Variants in ADAM18 observed in about 807,000 individuals in gnomAD.
ADAM18 encodes disintegrin and metalloproteinase domain-containing protein 18.
Under a neutral mutation model 94.4 loss-of-function variants are expected in ADAM18, and 117 were observed. That is an observed-to-expected ratio of 1.24 (90% CI 1.07 to 1.45). The LOEUF is 1.45. Among genes scored for constraint, ADAM18 ranks in the 40% most tolerant of loss-of-function variants. The pLI, the probability that ADAM18 is intolerant of heterozygous loss-of-function variation, is 0.00. For synonymous variants in ADAM18, 327 were observed against 291.6 expected, an observed-to-expected ratio of 1.12 and a Z score of -1.24; for missense variants, 936 against 880.0, an observed-to-expected ratio of 1.06 and a Z score of -0.81.
At chr8:39,727,938 G>T (rs1442816570) in intron 19 of ADAM18, among the ~76,000 whole-genome samples, 3 of 152,192 alleles carry the variant, frequency 2.0e-5, no homozygotes. Flanking sequence ...TCGGCTCACA[G>T]TTCTGCAGGC....
At chr8:39,700,613 A>G (rs1295978162) in intron 17 of ADAM18, among the ~76,000 whole-genome samples, 5 of 152,126 alleles carry the variant, frequency 3.3e-5, no homozygotes, top group South Asian at 2.1e-4. Flanking sequence ...TTGGGACATT[A>G]TTAACATTAA....
At chr8:39,605,742 G>A (rs959237135) in intron 2 of ADAM18, 1 of 221,502 alleles carries the variant, frequency 4.5e-6, no homozygotes, top group Non-Finnish European at 9.0e-6. Flanking sequence ...TTGGGGAGCA[G>A]GTGGTATTTG....
chr8:39,629,460 TCTTTCAAGAAGGAACTAAGTATG>T, intron 7 of ADAM18, 21 bp downstream of exon 7: 1 of 1,506,154 alleles, frequency 6.6e-7, no homozygotes, highest in Non-Finnish European at 9.0e-7. Flanking sequence ...TTTCAAGAGG[TCTTTCAAGAAGGAACTAAGTATG>T]CTTTCAAGAA....
intron 6 of ADAM18, among the ~76,000 whole-genome samples, chr8:39,614,007 C>T (rs1360487195): frequency 6.6e-6 from 1 of 152,090 alleles, no homozygotes; most frequent in Admixed American, 6.5e-5. Context: ...ATTGTCATCC[C>T]TGAAATGGAG....
rs571821917 is a variant in ADAM18, at chr8:39,727,251, G to A, written c.2178-2647G>A. 3.3e-5 allele frequency among the ~76,000 whole-genome samples: 5 copies of A among 152,222 alleles called. No individual in the cohort carries two copies. In the South Asian group the frequency reaches 1.0e-3, roughly 32 times the overall value. Reference sequence around the variant, plus strand: ...GATATTAGCACTTGGCTCCTTTTTAGTTATGTTAATATCTCTAGCAAGTGG... The same window carrying A: ...GATATTAGCACTTGGCTCCTTTTTAATTATGTTAATATCTCTAGCAAGTGG... On this transcript the variant is annotated intron_variant, in intron 19 of 19. Coordinates refer to ENST00000265707, the MANE Select transcript of ADAM18 (RefSeq NM_014237.3).
chr8:39,599,063 G>A (rs1435226898), intron 2 of ADAM18, among the ~76,000 whole-genome samples: 2 of 152,010 alleles, frequency 1.3e-5, no homozygotes, highest in African/African-American at 4.8e-5. Context: ...CACTCACCTC[G>A]GCTTCCCAAA....
intron 7 of ADAM18, among the ~76,000 whole-genome samples, chr8:39,636,910 G>A (rs906664361): frequency 4.0e-5 from 6 of 150,784 alleles, no homozygotes; most frequent in African/African-American, 1.5e-4. Context: ...TTTCTTTTCT[G>A]TATCTGGCTT....
chr8:39,672,765 A>C lies in ADAM18; in HGVS notation c.1525+4569A>C, dbSNP rs148478525. ...CAACCATTTAATCACGTATCTGTTC[A>C]CTGGGGAAAAGAAAATATCCAAACA... On this transcript the variant is annotated intron_variant, in intron 14 of 19. Transcript: ENST00000265707. 2.3e-3 allele frequency among the ~76,000 whole-genome samples: 352 copies of C among 152,302 alleles called. 2 individuals are homozygous for C. The highest frequency in any genetic ancestry group is 8.0e-3 in the African/African-American group (333 of 41,570).
chr8:39,666,367 CTT>C (rs908036843), intron 13 of ADAM18, among the ~76,000 whole-genome samples: 60 of 152,136 alleles, frequency 3.9e-4, no homozygotes, highest in African/African-American at 1.4e-3. Flanking sequence ...CTAGGAAAGT[CTT>C]TGTGTCTCAT....
chr8:39,612,366 T>C (rs1024202455), intron 6 of ADAM18, among the ~76,000 whole-genome samples: 1 of 152,124 alleles, frequency 6.6e-6, no homozygotes, highest in Non-Finnish European at 1.5e-5. Context: ...TCCCAGCAGC[T>C]CCTAGGGAAG....
At chr8:39,679,253 G>A (rs1174366452) in intron 15 of ADAM18, among the ~76,000 whole-genome samples, 1 of 152,098 alleles carries the variant, frequency 6.6e-6, no homozygotes, top group East Asian at 1.9e-4. Context: ...ATAATGACAT[G>A]TTCAATAGAG....
At chr8:39,675,250 C>T (rs1440365453) in intron 14 of ADAM18, among the ~76,000 whole-genome samples, 2 of 152,216 alleles carry the variant, frequency 1.3e-5, no homozygotes, top group Non-Finnish European at 2.9e-5. Context: ...CCATCACTTT[C>T]AGGCACACCA....
chr8:39,688,658 T>A (rs1481450212), intron 16 of ADAM18, among the ~76,000 whole-genome samples: 1 of 152,208 alleles, frequency 6.6e-6, no homozygotes, highest in Non-Finnish European at 1.5e-5. Context: ...GTTGATGCCA[T>A]GTCTTTGTTA....
At position 39,629,339 on chromosome 8, in the gene ADAM18, A is replaced by G. The variant is rs980422863; in HGVS notation, c.523-35A>G. On this transcript the variant is annotated intron_variant, in intron 6 of 19. Coordinates refer to ENST00000265707, the MANE Select transcript of ADAM18 (RefSeq NM_014237.3). ...TTTTCTCTTAAATTCAATACATGTT[A>G]ACATTTTATAAATCCCGTTGTTGTT... is the stretch of plus-strand genomic sequence containing the variant. 3.4e-6 allele frequency: 5 copies of G among 1,482,194 alleles called. No homozygotes were observed. The African/African-American group carries it at 7.1e-5, about 21-fold the overall frequency. The allele number at this position is 1,482,194 out of a possible 1,614,324, so 91.8% of individuals were successfully genotyped here.
At chr8:39,616,654 C>G (rs749613991) in intron 6 of ADAM18, among the ~76,000 whole-genome samples, 2 of 152,096 alleles carry the variant, frequency 1.3e-5, no homozygotes, top group Non-Finnish European at 2.9e-5. Flanking sequence ...CAGCAGGGTA[C>G]TGGTAGAAAA....
intron 3 of ADAM18, among the ~76,000 whole-genome samples, chr8:39,607,428 T>C (rs1819120205): frequency 6.6e-6 from 1 of 152,238 alleles, no homozygotes; most frequent in Non-Finnish European, 1.5e-5. Context: ...TGAACAAGGC[T>C]AGAGGAAATT....
At chr8:39,616,720 T>A (rs774593117) in intron 6 of ADAM18, among the ~76,000 whole-genome samples, 1 of 152,172 alleles carries the variant, frequency 6.6e-6, no homozygotes, top group African/African-American at 2.4e-5. Context: ...GCTGCACATC[T>A]ACAACCATCT....
In ADAM18 at chr8:39,584,645, T is replaced by C; in HGVS notation, c.23T>C (p.Leu8Pro). 1.2e-6 allele frequency: 2 copies of C among 1,613,426 alleles called. No individual in the cohort carries two copies. The highest frequency in any genetic ancestry group is 1.7e-6 in the Non-Finnish European group (2 of 1,180,038). The change falls in exon 1 of 20, where the codon CTC (leucine) becomes CCC (proline). Residue 8 changes from leucine to proline, a missense_variant. Physicochemically the swap from Leu to Pro is moderately conservative, Grantham distance 98. Transcript: ENST00000265707. ...GCCATGTTCCTTCTCCTCGCCCTCC[T>C]CACTGAGCTTGGAAGACTGCAAGCC... MFLLLAL[L>P]TELGRLQAHE...
chr8:39,724,620 T>A (rs966367729), intron 19 of ADAM18, among the ~76,000 whole-genome samples: 33 of 152,002 alleles, frequency 2.2e-4, no homozygotes, highest in African/African-American at 7.7e-4. Flanking sequence ...ATTGGCTAGT[T>A]CTTTTTCTAG....
Sources: allele counts gnomAD v4.1 joint callset (sites outside exome capture counted in the v4.1 genomes callset), GRCh38; gene constraint gnomAD v4.1.1; transcripts MANE v1.5; gene names NCBI Gene and HGNC (gene_info 2026-07-23, HGNC 2026-07-21).